The following ZNF638 variants were observed in gnomAD, a reference collection of about 807,000 sequenced individuals.
ZNF638 encodes zinc finger protein 638, also known as CTCL tumor antigen se33-1.
In ZNF638, 46 loss-of-function variants were observed where a neutral mutation model predicts 195.6. That is an observed-to-expected ratio of 0.24 (90% confidence interval 0.19 to 0.30). The LOEUF (loss-of-function observed/expected upper bound fraction) is 0.30, where lower values mean the gene tolerates loss of function less well. Ranked by LOEUF, ZNF638 falls within the 10% of genes least tolerant of loss-of-function variation. ZNF638 has a pLI of 1.00. For synonymous variants in ZNF638, 845 were observed against 772.0 expected (o/e 1.09, Z -1.57); for missense variants, 2,440 against 2,325.3 (o/e 1.05, Z -1.01).
chr2:71,399,589 C>T lies in ZNF638; in HGVS notation c.2531C>T (p.Ala844Val). Reference sequence around the variant, plus strand: ...TCTGGTGGAAAGAAGTCTCTAGAAGCCAAAAAGACTGGGAATGTCAAAAAC... The same window carrying T: ...TCTGGTGGAAAGAAGTCTCTAGAAGTCAAAAAGACTGGGAATGTCAAAAAC... Reference protein sequence around the residue: ...AKSGGKKSLEAKKTGNVKNKD... With the variant: ...AKSGGKKSLEVKKTGNVKNKD... The change falls in exon 13 of 28, where the codon GCC becomes GTC. Residue 844 changes from alanine to valine, a missense_variant. Ala to Val is a moderately conservative substitution (Grantham distance 64). Coordinates refer to ENST00000264447, the MANE Select transcript of ZNF638 (RefSeq NM_014497.5). 1 of 1,612,512 alleles carries T rather than the reference C, an allele frequency of 6.2e-7. No individual in the cohort carries two copies. The highest frequency in any genetic ancestry group is 8.5e-7 in the Non-Finnish European group (1 of 1,179,138).
chr2:71,387,097 A>G (rs937772618), intron 10 of ZNF638, among the ~76,000 whole-genome samples: 2 of 152,164 alleles, frequency 1.3e-5, no homozygotes, highest in Admixed American at 6.5e-5. Flanking sequence ...CTAAGTTTAT[A>G]TATTATAAGA....
chr2:71,363,916 A>G, intron 4 of ZNF638, 38 bp from the exon 5 acceptor site: 1 of 1,569,784 alleles, frequency 6.4e-7, no homozygotes, highest in Non-Finnish European at 8.6e-7. Flanking sequence ...TTTACATTAA[A>G]TTGCTGATCA....
intron 1 of ZNF638, among the ~76,000 whole-genome samples, chr2:71,343,915 G>A (rs1160460188): frequency 8.7e-6 from 1 of 114,650 alleles, no homozygotes; most frequent in Non-Finnish European, 2.1e-5. Flanking sequence ...TGGATCACAA[G>A]GTCAGGAGAT....
chr2:71,423,429 T>C lies in ZNF638; in HGVS notation c.3915T>C (p.Gly1305=). 6.2e-7 allele frequency: 1 copy of C among 1,612,712 alleles called. No homozygotes were observed. The highest frequency in any genetic ancestry group is 8.5e-7 in the Non-Finnish European group (1 of 1,179,722). ...VDKKNISEKK[G]NMDEKEEKEF... is the part of the protein sequence containing the mutation. ...AAAAGAATATTTCTGAAAAAAAAGG[T>C]AACATGGATGAAAAGGAGGAGAAGG... The change falls in exon 22 of 28, where the codon GGT becomes GGC. Residue 1305 remains glycine, a synonymous_variant. Coordinates refer to ENST00000264447, the MANE Select transcript of ZNF638 (RefSeq NM_014497.5).
intron 8 of ZNF638, chr2:71,376,409 G>GTTTGTTTT (rs1553474062): frequency 1.3e-5 from 2 of 152,008 alleles, no homozygotes; most frequent in African/African-American, 4.8e-5. Context: ...TTGTTTGTTT[G>GTTTGTTTT]TTTGTTTTGT....
Position 71,350,023 on chromosome 2 carries a change from A to C in ZNF638, c.1069A>C (p.Ile357Leu). 6.2e-7 allele frequency: 1 copy of C among 1,614,236 alleles called. No homozygotes were observed. Among genetic ancestry groups the C allele is most frequent in the Non-Finnish European group, 8.5e-7 (1 of 1,180,040 alleles). Reference sequence around the variant, plus strand: ...AGAGCGGATCCCACATGAACCTGTGATTAATTCATCTAACGTACATGTTGG... The same window carrying C: ...AGAGCGGATCCCACATGAACCTGTGCTTAATTCATCTAACGTACATGTTGG... ...QQERIPHEPV[I>L]NSSNVHVGSR... The change falls in exon 2 of 28, where the codon ATT becomes CTT. Residue 357 changes from isoleucine (I) to leucine (L), a missense_variant. Transcript: ENST00000264447.
At chr2:71,416,692 T>C (rs191791679) in intron 20 of ZNF638, among the ~76,000 whole-genome samples, 202 of 90,586 alleles carry the variant, frequency 2.2e-3, no homozygotes, top group Non-Finnish European at 3.5e-3. Context: ...GTTTTCCTTC[T>C]AACAGACAGG....
Position 71,423,707 on chromosome 2 carries a change from T to G in ZNF638, c.4193T>G (p.Ile1398Arg). The change falls in exon 22 of 28, where the codon ATA becomes AGA. Residue 1398 changes from isoleucine to arginine, a missense_variant. Ile to Arg is a moderately conservative substitution (Grantham distance 97). Transcript: ENST00000264447. ...AGTAAACCAAGCATCAAGGCTGTTATAGTCTCTTCTCCTAAGGCAAAAGCT... is the reference window on the plus strand; with the variant it reads ...AGTAAACCAAGCATCAAGGCTGTTAGAGTCTCTTCTCCTAAGGCAAAAGCT... ...SSSKPSIKAV[I>R]VSSPKAKATV... 6.2e-7 allele frequency: 1 copy of G among 1,613,888 alleles called. No individual in the cohort carries two copies. The highest frequency in any genetic ancestry group is 8.5e-7 in the Non-Finnish European group (1 of 1,180,016).
intron 22 of ZNF638, 130 bp from the exon 23 acceptor site, chr2:71,424,519 TA>T (rs2080496607): frequency 2.9e-6 from 2 of 700,782 alleles, no homozygotes; most frequent in South Asian, 3.9e-5. Context: ...GTATACATGT[TA>T]AATAATTTGC....
In ZNF638 at chr2:71,401,965, G is replaced by A. The variant is rs1321114173; in HGVS notation, c.2707G>A (p.Glu903Lys). Residue 903 changes from glutamate to lysine, a missense_variant, in exon 16 of 28, where the codon GAA (glutamate) becomes AAA (lysine). Physicochemically the swap from Glu to Lys is moderately conservative, Grantham distance 56. Transcript: ENST00000264447. ...AAAATTTGTTTTGAAGGAAACAGAA[G>A]AAATGTGTGTGATGCTTGTCTCTAA... ...ENEPLNKETEEMCVMLVSNLP... is the reference protein window; with the variant it reads ...ENEPLNKETEKMCVMLVSNLP... 1.9e-6 allele frequency: 3 copies of A among 1,571,708 alleles called. No homozygotes were observed. Among genetic ancestry groups the A allele is most frequent in the African/African-American group, 2.7e-5 (2 of 72,934 alleles).
In ZNF638 at chr2:71,380,271, C is replaced by T. The variant is rs747068156; in HGVS notation, c.2315C>T (p.Ser772Phe). The T allele has an allele frequency of 2.6e-6, 4 of 1,565,348 alleles. No individual in the cohort carries two copies. Among genetic ancestry groups the T allele is most frequent in the Admixed American group, 4.1e-5 (2 of 49,214 alleles). The change falls in exon 9 of 28, where the codon TCT becomes TTT. Residue 772 changes from serine to phenylalanine, a missense_variant. Transcript: ENST00000264447. The stretch of plus-strand genomic sequence containing the variant: ...TTAGAGTCAAAGAAAGTATCTGCAT[C>T]TACCTTAAAGTAAGTGACTTTATGA... ...KTLESKKVSASTLKRDADASK... is the reference protein window; with the variant it reads ...KTLESKKVSAFTLKRDADASK...
At chr2:71,350,364 T>A in intron 2 of ZNF638, 93 bp downstream of exon 2, 1 of 1,271,104 alleles carries the variant, frequency 7.9e-7, no homozygotes, top group Non-Finnish European at 1.1e-6. Flanking sequence ...AACTAGGCGT[T>A]AAGGAAATGG....
At position 71,434,794 on chromosome 2, in the gene ZNF638, G is replaced by A. The variant is rs1237652402; in HGVS notation, c.5924G>A (p.Arg1975Lys). 1 of 1,609,424 alleles carries A rather than the reference G, an allele frequency of 6.2e-7. No individual in the cohort carries two copies. Among genetic ancestry groups the A allele is most frequent in the Non-Finnish European group, 8.5e-7 (1 of 1,178,730 alleles). ...AAGGAGCAGAATGAGGCTGAAGAAA[G>A]AAGCTCTAGGTGATTGGGGGAAAGG... The part of the protein sequence containing the change: ...KEKEQNEAEE[R>K]SSR The change falls in exon 28 of 28, where the codon AGA (arginine) becomes AAA (lysine). Residue 1975 changes from arginine to lysine, a missense_variant. By Grantham distance (26) the Arg-to-Lys change is conservative. Around this residue, in one of 5 missense-constraint regions of ZNF638, gnomAD observed 1,883 missense variants for 1,739.1 expected, o/e 1.08. Coordinates refer to ENST00000264447, the MANE Select transcript of ZNF638 (RefSeq NM_014497.5).
chr2:71,375,724 C>A (rs908579700), intron 8 of ZNF638: 1 of 152,156 alleles, frequency 6.6e-6, no homozygotes. Flanking sequence ...TAGAAAGATT[C>A]ATTTGGAAAT....
intron 3 of ZNF638, among the ~76,000 whole-genome samples, chr2:71,361,115 C>T (rs1475451113): frequency 6.6e-6 from 1 of 152,176 alleles, no homozygotes; most frequent in African/African-American, 2.4e-5. Flanking sequence ...GTGAGTGCCA[C>T]CACGCTCAGC....
intron 1 of ZNF638, among the ~76,000 whole-genome samples, chr2:71,334,931 A>AC (rs1417985849): frequency 1.3e-5 from 2 of 152,084 alleles, no homozygotes; most frequent in African/African-American, 2.4e-5. Flanking sequence ...CAAAAAAAAA[A>AC]ACAAAAAAAA....
chr2:71,417,833 C>T (rs1183262319), intron 20 of ZNF638, among the ~76,000 whole-genome samples: 2 of 152,176 alleles, frequency 1.3e-5, no homozygotes, highest in African/African-American at 2.4e-5. Flanking sequence ...CTGTTGGACT[C>T]AAACACCTAT....
rs1320601466 is a variant in ZNF638, at chr2:71,426,641, G to A, written c.4772G>A (p.Gly1591Asp). The change falls in exon 24 of 28, where the codon GGT becomes GAT. Residue 1591 changes from glycine (G) to aspartate (D), a missense_variant. Physicochemically the swap from Gly to Asp is moderately conservative, Grantham distance 94. Coordinates refer to ENST00000264447, the MANE Select transcript of ZNF638 (RefSeq NM_014497.5). ...AAGGGGAAAACTTCCACTCCTCGTG[G>A]TGTTGAGGGAGAACTATCTTTTGTG... ...KKKGKTSTPRGVEGELSFVTL... is the reference protein window; with the variant it reads ...KKKGKTSTPRDVEGELSFVTL... The A allele has an allele frequency of 3.7e-6, 6 of 1,614,060 alleles. No homozygotes were observed. The Admixed American group carries it at 6.7e-5, about 18-fold the overall frequency.
chr2:71,425,786 C>T (rs1041994212), intron 23 of ZNF638, among the ~76,000 whole-genome samples: 1 of 152,072 alleles, frequency 6.6e-6, no homozygotes, highest in Non-Finnish European at 1.5e-5. Context: ...TCTCCTGCCT[C>T]AGCCTCCCGA....
Sources: gnomAD v4.1 joint callset for allele counts (sites outside exome capture counted in the v4.1 genomes callset) on GRCh38, gnomAD v4.1.1 for gene constraint, gnomAD v4.1.1 regional missense constraint, MANE v1.5 for transcripts, NCBI Gene and HGNC (gene_info 2026-07-23, HGNC 2026-07-21) for gene names.